RGS7: variants seen among roughly 807,000 people sequenced by gnomAD.
RGS7 encodes regulator of G-protein signaling 7.
A neutral mutation model predicts 81.1 loss-of-function variants in RGS7; 27 were observed. The observed-to-expected ratio is 0.33, with a 90% CI of 0.25 to 0.46. RGS7 has a LOEUF of 0.46. Among genes scored for constraint, RGS7 ranks in the 20% least tolerant of loss-of-function variants. The pLI is 1.00. For missense variants in RGS7, 396 were observed against 607.4 expected (o/e 0.65, Z 3.66); for synonymous variants, 208 against 207.7 (o/e 1.00, Z -0.01).
intron 2 of RGS7, among the ~76,000 whole-genome samples, chr1:241,354,048 G>C: frequency 6.6e-6 from 1 of 152,130 alleles, no homozygotes; most frequent in East Asian, 1.9e-4. Context: ...GGGAAACAGA[G>C]AGGGAATACA....
chr1:240,807,574 T>C (rs1324565584), intron 14 of RGS7, among the ~76,000 whole-genome samples: 5 of 152,210 alleles, frequency 3.3e-5, no homozygotes, highest in South Asian at 4.1e-4. Flanking sequence ...CTAGTGATTT[T>C]TGAGTTTTCA....
At chr1:240,983,008 A>C (rs1479321063) in intron 4 of RGS7, 71 bp downstream of exon 4, 23 of 848,818 alleles carry the variant, frequency 2.7e-5, no homozygotes, top group Non-Finnish European at 4.2e-5. Context: ...ATATTAAAAT[A>C]TCCCTGATGA....
chr1:241,243,238 C>T (rs540597426), intron 2 of RGS7, among the ~76,000 whole-genome samples: 129 of 152,296 alleles, frequency 8.5e-4, no homozygotes, highest in Non-Finnish European at 1.3e-3. Context: ...ACCTCCTCTC[C>T]GTCCAGAGCC....
chr1:241,201,335 C>A (rs1275838156), intron 2 of RGS7, among the ~76,000 whole-genome samples: 1 of 152,138 alleles, frequency 6.6e-6, no homozygotes, highest in Admixed American at 6.5e-5. Context: ...ATGAAAATTT[C>A]CTGCCTTTAG....
At chr1:241,214,487 T>C (rs771740020) in intron 2 of RGS7, among the ~76,000 whole-genome samples, 46 of 152,102 alleles carry the variant, frequency 3.0e-4, no homozygotes, top group Non-Finnish European at 5.7e-4. Context: ...CAGATCTGCT[T>C]AAGGTGTGGT....
At chr1:240,801,357 A>G in intron 17 of RGS7, 98 bp downstream of exon 17, 1 of 763,060 alleles carries the variant, frequency 1.3e-6, no homozygotes, top group Non-Finnish European at 2.3e-6. Context: ...TTGCTGTTAT[A>G]TCAAGAATGC....
rs1288141243 is a variant in RGS7 at position 240,868,092 on chromosome 1, GAA to G, written c.609+493_609+494del. ...GAGAAAAGAAAGAAAGAAAAAGAAA[GAA>G]AAGAAAAAGAAAGAAAAGAAAAGGA... On this transcript the variant is annotated intron_variant, in intron 9 of 18. Transcript: ENST00000440928. This position sits in a 1 kb window ranked among gnomAD's most constrained non-coding sequence, Gnocchi z 5.1. 7.7e-6 allele frequency among the ~76,000 whole-genome samples: 1 copy of G among 130,474 alleles called. No individual in the cohort carries two copies. Among genetic ancestry groups the G allele is most frequent in the African/African-American group, 2.9e-5 (1 of 34,178 alleles). The allele number at this position is 130,474 out of a possible 152,430, so 85.6% of individuals were successfully genotyped here.
chr1:241,259,998 G>T (rs1215512595), intron 2 of RGS7, among the ~76,000 whole-genome samples: 2 of 152,088 alleles, frequency 1.3e-5, no homozygotes, highest in Non-Finnish European at 2.9e-5. Context: ...AGACCAGAAT[G>T]AATGAAAGTC....
At chr1:241,291,175 G>C (rs1358940614) in intron 2 of RGS7, among the ~76,000 whole-genome samples, 2 of 152,144 alleles carry the variant, frequency 1.3e-5, no homozygotes, top group African/African-American at 2.4e-5. Context: ...ATGAATCCAG[G>C]TGATATAAGA....
chr1:240,823,328 C>T (rs1199421689), intron 10 of RGS7: 1 of 555,760 alleles, frequency 1.8e-6, no homozygotes, highest in African/African-American at 1.9e-5. Flanking sequence ...GGAAGATTAG[C>T]TACTACTTGT....
At chr1:241,171,336 C>T (rs1359398185) in intron 2 of RGS7, among the ~76,000 whole-genome samples, 1 of 152,180 alleles carries the variant, frequency 6.6e-6, no homozygotes, top group Non-Finnish European at 1.5e-5. Context: ...CCTAATTTCT[C>T]AGCATAATTC....
chr1:240,884,093 A>T (rs1465700131), intron 6 of RGS7, among the ~76,000 whole-genome samples: 40 of 150,354 alleles, frequency 2.7e-4, no homozygotes, highest in African/African-American at 9.1e-4. Context: ...AAAAAAAAAA[A>T]AAAAAAAAAA....
intron 3 of RGS7, among the ~76,000 whole-genome samples, chr1:241,001,376 A>G (rs1361896483): frequency 6.6e-6 from 1 of 152,150 alleles, no homozygotes; most frequent in Non-Finnish European, 1.5e-5. Flanking sequence ...TGTACGGTAT[A>G]AAAAAGGCAA....
chr1:241,261,224 G>C (rs2077318168), intron 2 of RGS7, among the ~76,000 whole-genome samples: 1 of 152,138 alleles, frequency 6.6e-6, no homozygotes. Context: ...GGTGCCTCAA[G>C]TCATCCCCAG....
intron 2 of RGS7, among the ~76,000 whole-genome samples, chr1:241,259,811 T>C (rs1057470952): frequency 6.6e-6 from 1 of 151,606 alleles, no homozygotes; most frequent in African/African-American, 2.4e-5. Flanking sequence ...TTGGTTCTCA[T>C]GACATGTTCC....
At chr1:241,125,738 G>A (rs1053019095) in intron 2 of RGS7, among the ~76,000 whole-genome samples, 6 of 152,200 alleles carry the variant, frequency 3.9e-5, no homozygotes, top group African/African-American at 1.2e-4. Context: ...CCTCTTCAGG[G>A]TGACCCTGTA....
chr1:241,039,287 G>A (rs2060485526), intron 3 of RGS7, among the ~76,000 whole-genome samples: 1 of 152,198 alleles, frequency 6.6e-6, no homozygotes, highest in Non-Finnish European at 1.5e-5. Flanking sequence ...CAAACACTGG[G>A]CATGAGGTGT....
intron 18 of RGS7, among the ~76,000 whole-genome samples, chr1:240,778,198 T>C (rs568265470): frequency 3.3e-4 from 50 of 152,162 alleles, no homozygotes; most frequent in African/African-American, 1.2e-3. Flanking sequence ...ACCATCACCT[T>C]CATGATCTAA....
At position 241,327,134 on chromosome 1, in the gene RGS7, GAAAGAAA is replaced by G. The variant is rs1406216385; in HGVS notation, c.78+28558_78+28564del. ...AGAAAGAAAGAAAGAAAGAAAGAAA[GAAAGAAA>G]GAAAGGAAAGAAAGAAAGAAAGAAA... is the stretch of plus-strand genomic sequence containing the variant. On this transcript the variant is annotated intron_variant, in intron 2 of 18. Coordinates refer to ENST00000440928, the MANE Select transcript of RGS7 (RefSeq NM_001364886.1). Among the ~76,000 whole-genome samples, 9 of 100,722 alleles carry G rather than the reference GAAAGAAA, an allele frequency of 8.9e-5. No homozygotes were observed. In the East Asian group the frequency reaches 2.8e-3, roughly 32 times the overall value. 66.1% of individuals were successfully genotyped at this position (100,722 alleles called of 152,430 possible).
Sources: allele counts gnomAD v4.1 joint callset (sites outside exome capture counted in the v4.1 genomes callset), GRCh38; gene constraint gnomAD v4.1.1; non-coding constraint Gnocchi (gnomAD v3.1); transcripts MANE v1.5; gene names NCBI Gene and HGNC (gene_info 2026-07-23, HGNC 2026-07-21).